The following PRR16 variants were observed in gnomAD, a reference collection of about 807,000 sequenced individuals.
PRR16 encodes proline rich 16, also known as protein Largen.
PRR16 carries 6 observed loss-of-function variants against 18.2 expected under a neutral mutation model. That is an observed-to-expected ratio of 0.33 (90% CI 0.18 to 0.65). The LOEUF (loss-of-function observed/expected upper bound fraction) is 0.65, where lower values mean the gene tolerates loss of function less well. Among genes scored for constraint, PRR16 ranks in the 30% least tolerant of loss-of-function variants. The pLI is 0.74. For missense variants in PRR16, 412 were observed against 376.6 expected, an observed-to-expected ratio of 1.09 and a Z score of -0.78; for synonymous variants, 151 against 147.8, an observed-to-expected ratio of 1.02 and a Z score of -0.16.
chr5:120,728,626 T>G, the PRR16 span, among the ~76,000 whole-genome samples: 1 of 152,150 alleles, frequency 6.6e-6, no homozygotes, highest in Non-Finnish European at 1.5e-5. Flanking sequence ...GAATTTATGT[T>G]GGTATTTTCA....
the PRR16 span, among the ~76,000 whole-genome samples, chr5:120,787,334 A>G: frequency 6.6e-6 from 1 of 152,170 alleles, no homozygotes; most frequent in African/African-American, 2.4e-5. Context: ...GTCTGAGGTA[A>G]TGGATCAAAT....
At chr5:120,476,877 T>C (rs1749458967) in intron 1 of PRR16, among the ~76,000 whole-genome samples, 1 of 152,170 alleles carries the variant, frequency 6.6e-6, no homozygotes, top group Admixed American at 6.5e-5. Flanking sequence ...TTTTCCCTGT[T>C]CTTTCCTAAA....
At chr5:120,789,904 C>G in the PRR16 span, 7 of 130,486 alleles carry the variant, frequency 5.4e-5, no homozygotes, top group African/African-American at 2.0e-4. Flanking sequence ...TTAAACCATA[C>G]TTATGTTTAA....
At chr5:120,619,742 G>A (rs1315949737) in intron 1 of PRR16, among the ~76,000 whole-genome samples, 1 of 151,982 alleles carries the variant, frequency 6.6e-6, no homozygotes, top group Non-Finnish European at 1.5e-5. Flanking sequence ...AAAATTAACA[G>A]TCTAAACTAA....
At chr5:120,786,631 AAAG>A in the PRR16 span, among the ~76,000 whole-genome samples, 46 of 150,596 alleles carry the variant, frequency 3.1e-4, no homozygotes, top group South Asian at 6.2e-4. Context: ...TATAGATTAT[AAAG>A]AAGAAAATTA....
At chr5:120,733,095 AAGTATTCT>A in the PRR16 span, among the ~76,000 whole-genome samples, 2 of 152,120 alleles carry the variant, frequency 1.3e-5, no homozygotes, top group East Asian at 1.9e-4. Context: ...AATAAGACTG[AAGTATTCT>A]AGTATTCTAA....
At chr5:120,521,908 G>A (rs1193675444) in intron 1 of PRR16, among the ~76,000 whole-genome samples, 1 of 152,124 alleles carries the variant, frequency 6.6e-6, no homozygotes, top group East Asian at 1.9e-4. Flanking sequence ...ACCTATGAGT[G>A]AGAACATGTG....
chr5:120,685,998 G>C lies in PRR16; in HGVS notation c.204G>C (p.Glu68Asp). ...IDTLTSDLQL[E>D]DEMTDSSKTD... ...CCCTGACCTCTGACCTACAGCTGGA[G>C]GATGAGATGACTGACAGCTCCAAAA... Residue 68 changes from glutamate (E) to aspartate (D), a missense_variant, in exon 2 of 2, where the codon GAG (glutamate) becomes GAC (aspartate). Physicochemically the swap from Glu to Asp is conservative, Grantham distance 45 (BLOSUM62 2). Coordinates refer to ENST00000407149, the MANE Select transcript of PRR16 (RefSeq NM_001300783.2). 1 of 1,614,042 alleles carries C rather than the reference G, an allele frequency of 6.2e-7. No individual in the cohort carries two copies. Among genetic ancestry groups the C allele is most frequent in the Non-Finnish European group, 8.5e-7 (1 of 1,179,940 alleles).
At chr5:120,774,079 T>C in the PRR16 span, among the ~76,000 whole-genome samples, 2 of 152,286 alleles carry the variant, frequency 1.3e-5, no homozygotes, top group African/African-American at 2.4e-5. Flanking sequence ...GTTGATTTCC[T>C]GTTGCTATGA....
At chr5:120,559,043 T>C (rs1175511565) in intron 1 of PRR16, among the ~76,000 whole-genome samples, 3 of 151,958 alleles carry the variant, frequency 2.0e-5, no homozygotes, top group South Asian at 2.1e-4. Flanking sequence ...TGGTTGTCAA[T>C]TATTTGTCAG....
the PRR16 span, among the ~76,000 whole-genome samples, chr5:120,739,673 T>C: frequency 2.0e-5 from 3 of 152,158 alleles, no homozygotes; most frequent in Admixed American, 2.0e-4. Flanking sequence ...TCTAAGACTT[T>C]CAAAAAATGT....
chr5:120,646,948 G>T (rs955930355), intron 1 of PRR16, among the ~76,000 whole-genome samples: 2 of 151,940 alleles, frequency 1.3e-5, no homozygotes, highest in African/African-American at 2.4e-5. Flanking sequence ...TGCAGAGACA[G>T]CATGTTATAA....
chr5:120,691,638 T>C (rs1044862303), downstream of PRR16, among the ~76,000 whole-genome samples: 1 of 152,212 alleles, frequency 6.6e-6, no homozygotes, highest in African/African-American at 2.4e-5. Flanking sequence ...ATCTGCTCCA[T>C]GGAACCTCTA....
chr5:120,762,352 T>C, the PRR16 span, among the ~76,000 whole-genome samples: 1 of 152,184 alleles, frequency 6.6e-6, no homozygotes. Flanking sequence ...AAGAGTTCTT[T>C]TTTCTCTGCA....
chr5:120,620,239 C>T (rs559245378), intron 1 of PRR16, among the ~76,000 whole-genome samples: 2 of 152,168 alleles, frequency 1.3e-5, no homozygotes, highest in African/African-American at 4.8e-5. Context: ...TTATTTATCA[C>T]GAAGAGTGAC....
the PRR16 span, among the ~76,000 whole-genome samples, chr5:120,742,005 G>A: frequency 1.3e-5 from 2 of 152,028 alleles, no homozygotes; most frequent in Non-Finnish European, 2.9e-5. Context: ...TTTTTCAAAA[G>A]CATTTTCTGT....
chr5:120,596,140 CTTTT>C (rs70985229), intron 1 of PRR16, among the ~76,000 whole-genome samples: 4 of 145,536 alleles, frequency 2.7e-5, no homozygotes, highest in African/African-American at 2.5e-5. Flanking sequence ...TATCTCTTGT[CTTTT>C]TTTTTTTTTT....
intron 1 of PRR16, among the ~76,000 whole-genome samples, chr5:120,496,633 TA>T (rs1454612362): frequency 6.6e-6 from 1 of 151,598 alleles, no homozygotes; most frequent in Non-Finnish European, 1.5e-5. Context: ...TTTGTAAATT[TA>T]TTTTTTTTTG....
intron 1 of PRR16, among the ~76,000 whole-genome samples, chr5:120,671,389 T>G (rs1324751950): frequency 6.6e-6 from 1 of 152,092 alleles, no homozygotes; most frequent in Non-Finnish European, 1.5e-5. Context: ...GAATACATCC[T>G]ACCATCTTAC....
Sources: allele counts gnomAD v4.1 joint callset (sites outside exome capture counted in the v4.1 genomes callset), GRCh38; gene constraint gnomAD v4.1.1; transcripts MANE v1.5; gene names NCBI Gene and HGNC (gene_info 2026-07-23, HGNC 2026-07-21).